The following ADA2 variants were observed in gnomAD, a reference collection of about 807,000 sequenced individuals.
ADA2 encodes adenosine deaminase CECR1.
Under a neutral mutation model 44.2 loss-of-function variants are expected in ADA2, and 29 were observed. The ratio of observed to expected loss-of-function variants is 0.66; its 90% CI spans 0.49 to 0.89. The LOEUF is 0.89. ADA2 is among the 40% of genes least tolerant of loss of function. ADA2 has a pLI of 0.00. For missense variants in ADA2, 637 were observed against 644.8 expected, an observed-to-expected ratio of 0.99 and a Z score of 0.13; for synonymous variants, 215 against 234.9, an observed-to-expected ratio of 0.92 and a Z score of 0.77.
At position 17,207,143 on chromosome 22, in the gene ADA2, T is replaced by G. The variant is rs762092127; in HGVS notation, c.470A>C (p.Glu157Ala). 7 of 1,614,150 alleles carry G rather than the reference T, an allele frequency of 4.3e-6. No individual in the cohort carries two copies. Among genetic ancestry groups the G allele is most frequent in the Non-Finnish European group, 5.9e-6 (7 of 1,180,058 alleles). ...RFAHPTPRPSEKCSKWILLED... is the reference protein window; with the variant it reads ...RFAHPTPRPSAKCSKWILLED... The stretch of plus-strand genomic sequence containing the variant: ...CAGCAGAATCCACTTGGAACATTTT[T>G]CTGATGGACGGGGAGTTGGGTGAGC... Residue 157 changes from glutamate to alanine, a missense_variant, in exon 3 of 10, where the codon GAA (glutamate) becomes GCA (alanine). Glu to Ala is a moderately radical substitution (Grantham distance 107). Coordinates refer to ENST00000399837, the MANE Select transcript of ADA2 (RefSeq NM_001282225.2).
intron 8 of ADA2, 96 bp downstream of exon 8, chr22:17,182,508 G>A (rs2061983811): frequency 1.6e-6 from 2 of 1,235,008 alleles, no homozygotes; most frequent in East Asian, 2.3e-5. Context: ...TAACAAGAGA[G>A]TTAAGGAGAG....
At chr22:17,188,515 G>C (rs527514631) in intron 6 of ADA2, 68 bp from the exon 7 acceptor site, 2 of 1,048,748 alleles carry the variant, frequency 1.9e-6, no homozygotes, top group East Asian at 2.4e-5. Context: ...GGCGCGCCCT[G>C]GAGCCTGTGC....
chr22:17,192,307 A>G (rs1478764353), intron 4 of ADA2, among the ~76,000 whole-genome samples: 1 of 152,138 alleles, frequency 6.6e-6, no homozygotes, highest in Non-Finnish European at 1.5e-5. Context: ...CCCATTAAGC[A>G]TCTGCATAAT....
At position 17,187,400 on chromosome 22, in the gene ADA2, C is replaced by T. The variant is rs572568078; in HGVS notation, c.1081+939G>A. Among the ~76,000 whole-genome samples the T allele has an allele frequency of 3.3e-5, 5 of 152,142 alleles. No individual in the cohort carries two copies. The South Asian group carries it at 1.0e-3, about 32-fold the overall frequency. On this transcript the variant is annotated intron_variant, in intron 7 of 9. Coordinates refer to ENST00000399837, the MANE Select transcript of ADA2 (RefSeq NM_001282225.2). ...GTGAGCCTGGGCTCAGGCAATCCTC[C>T]CACCTCAGCCTCTAAGTAGGTGGGA...
chr22:17,199,389 C>T (rs975819397), intron 4 of ADA2, among the ~76,000 whole-genome samples: 12 of 64,540 alleles, frequency 1.9e-4, no homozygotes, highest in African/African-American at 7.8e-4. Context: ...CCACCAGGCT[C>T]AAGATGAAAG....
At chr22:17,183,554 G>A (rs532821506) in intron 7 of ADA2, among the ~76,000 whole-genome samples, 12 of 142,026 alleles carry the variant, frequency 8.4e-5, no homozygotes, top group African/African-American at 1.6e-4. Flanking sequence ...TCCGCCTCCC[G>A]GGTTCAAGCG....
intron 7 of ADA2, among the ~76,000 whole-genome samples, chr22:17,187,968 G>C (rs1007376215): frequency 6.7e-6 from 1 of 149,804 alleles, no homozygotes; most frequent in Non-Finnish European, 1.5e-5. Context: ...GCCAGGCGTG[G>C]TGGCAGGTGC....
chr22:17,191,059 C>T (rs533498867), intron 5 of ADA2, among the ~76,000 whole-genome samples: 15 of 152,384 alleles, frequency 9.8e-5, no homozygotes, highest in African/African-American at 3.1e-4. Flanking sequence ...GCTGCCCTTG[C>T]AGCTGCGACC....
rs2062397856 is a variant in ADA2 at position 17,209,701 on chromosome 22, G to T, written c.-24C>A. Reference sequence around the variant, plus strand: ...ATCGGGATGCCTGGACTAGGAAAGGGCTCAGATGGAGACTCCACGGGACTG... The same window carrying T: ...ATCGGGATGCCTGGACTAGGAAAGGTCTCAGATGGAGACTCCACGGGACTG... On this transcript the variant is annotated 5_prime_UTR_variant, in exon 2 of 10. Coordinates refer to ENST00000399837, the MANE Select transcript of ADA2 (RefSeq NM_001282225.2). The T allele has an allele frequency of 6.3e-7, 1 of 1,597,390 alleles. No individual in the cohort carries two copies. Among genetic ancestry groups the T allele is most frequent in the Non-Finnish European group, 8.5e-7 (1 of 1,171,374 alleles).
chr22:17,220,072 A>G (rs1200646050), upstream of ADA2, among the ~76,000 whole-genome samples: 1 of 152,206 alleles, frequency 6.6e-6, no homozygotes, highest in Non-Finnish European at 1.5e-5. Flanking sequence ...GGAAACAAGC[A>G]CCGCAAAGAG....
chr22:17,214,506 C>T (rs1187547399), intron 1 of ADA2, among the ~76,000 whole-genome samples: 1 of 152,236 alleles, frequency 6.6e-6, no homozygotes, highest in Non-Finnish European at 1.5e-5. Context: ...AGCCAGCTGT[C>T]TTCTCCAGGA....
intron 1 of ADA2, 166 bp from the exon 2 acceptor site, chr22:17,209,889 AT>A (rs532707544): frequency 0.13 from 51,362 of 397,874 alleles, 45 homozygotes; most frequent in South Asian, 0.17. Flanking sequence ...GGGTTTCCCA[AT>A]TTTTTTTTTT....
intron 1 of ADA2, among the ~76,000 whole-genome samples, chr22:17,217,466 A>G (rs1207206267): frequency 6.6e-6 from 1 of 152,084 alleles, no homozygotes; most frequent in Non-Finnish European, 1.5e-5. Flanking sequence ...AAGGAAGGAA[A>G]TGTATTCAGC....
At chr22:17,206,012 T>C (rs1408053274) in intron 3 of ADA2, among the ~76,000 whole-genome samples, 1 of 152,140 alleles carries the variant, frequency 6.6e-6, no homozygotes, top group African/African-American at 2.4e-5. Flanking sequence ...ATAGTAATAA[T>C]AATAATGATA....
chr22:17,203,061 A>G lies in ADA2; in HGVS notation c.753+502T>C, dbSNP rs530824760. ...AGTGCTGGGATTACAGGTGTGAGCC[A>G]CCATGCCCGGCCGTCTATTTCATTT... On this transcript the variant is annotated intron_variant, in intron 4 of 9. Transcript: ENST00000399837. Among the ~76,000 whole-genome samples the G allele has an allele frequency of 7.9e-4, 120 of 152,226 alleles. 1 individual carries two copies. The highest frequency in any genetic ancestry group is 2.8e-3 in the African/African-American group (115 of 41,542).
chr22:17,212,889 C>T (rs139220896), intron 1 of ADA2, among the ~76,000 whole-genome samples: 145 of 151,648 alleles, frequency 9.6e-4, no homozygotes, highest in African/African-American at 3.4e-3. Context: ...GGCAACCTCC[C>T]GGCTTCAAGG....
intron 2 of ADA2, among the ~76,000 whole-genome samples, chr22:17,208,818 T>TTTTTTTTTTTTTTTTTTTTTTGAGACGG (rs1568988096): frequency 4.7e-5 from 7 of 150,330 alleles, no homozygotes; most frequent in African/African-American, 7.4e-5. Context: ...AAATTTTTTT[T>TTTTTTTTTTTTTTTTTTTTTTGAGACGG]AATAAAAAAA....
Position 17,181,460 on chromosome 22 carries a change from G to A in ADA2, c.*23C>T. 2.0e-6 allele frequency: 3 copies of A among 1,488,598 alleles called. No individual in the cohort carries two copies. The highest frequency in any genetic ancestry group is 2.8e-6 in the Non-Finnish European group (3 of 1,065,488). The allele number at this position is 1,488,598 out of a possible 1,614,324, so 92.2% of individuals were successfully genotyped here. ...GACAGCGTGTGCAAGAAGACAGCTT[G>A]TAGAGGGCTGGCTAGCTTCTCCTCA... On this transcript the variant is annotated 3_prime_UTR_variant, in exon 10 of 10. Coordinates refer to ENST00000399837, the MANE Select transcript of ADA2 (RefSeq NM_001282225.2).
intron 6 of ADA2, among the ~76,000 whole-genome samples, chr22:17,189,309 C>G (rs1342379410): frequency 2.0e-5 from 3 of 152,092 alleles, no homozygotes; most frequent in African/African-American, 7.2e-5. Context: ...CTGCACCCGG[C>G]CTAGATTCTT....
Sources: allele counts gnomAD v4.1 joint callset (sites outside exome capture counted in the v4.1 genomes callset), GRCh38; gene constraint gnomAD v4.1.1; transcripts MANE v1.5; gene names NCBI Gene and HGNC (gene_info 2026-07-23, HGNC 2026-07-21).